The following EXOC2 variants were observed in gnomAD, a reference collection of about 807,000 sequenced individuals.
EXOC2 encodes the protein SEC5-like 1.
Under a neutral mutation model 131.8 loss-of-function variants are expected in EXOC2, and 70 were observed. The ratio of observed to expected loss-of-function variants is 0.53; its 90% CI spans 0.44 to 0.65. The LOEUF is 0.65. EXOC2 is among the 30% of genes least tolerant of loss of function. The pLI is 0.00. For synonymous variants in EXOC2, 411 were observed against 398.4 expected (o/e 1.03, Z -0.38); for missense variants, 923 against 1,108.6 (o/e 0.83, Z 2.38).
intron 1 of EXOC2, among the ~76,000 whole-genome samples, chr6:689,453 G>A (rs1406258503): frequency 6.6e-6 from 1 of 152,140 alleles, no homozygotes; most frequent in Non-Finnish European, 1.5e-5. Flanking sequence ...AATCCAAAAT[G>A]CACTCACTTA....
chr6:637,601 T>C, intron 2 of EXOC2, 100 bp downstream of exon 2: 2 of 859,388 alleles, frequency 2.3e-6, no homozygotes, highest in Middle Eastern at 3.7e-4. Context: ...ACAAAGATGT[T>C]TGTTCTATCA....
intron 22 of EXOC2, among the ~76,000 whole-genome samples, chr6:534,763 GA>G (rs553092752): frequency 4.6e-5 from 7 of 152,190 alleles, no homozygotes; most frequent in Non-Finnish European, 8.8e-5. Context: ...AACTACTGAG[GA>G]AAACAGTGAC....
chr6:490,365 T>C (rs1279705148), intron 26 of EXOC2, among the ~76,000 whole-genome samples: 1 of 152,282 alleles, frequency 6.6e-6, no homozygotes. Context: ...AGACAAACGA[T>C]GGCTGGGAAA....
At chr6:658,675 T>TATATATATATATA (rs1357332614) in intron 1 of EXOC2, among the ~76,000 whole-genome samples, 1 of 139,948 alleles carries the variant, frequency 7.1e-6, no homozygotes, top group Non-Finnish European at 1.5e-5. Context: ...ATTTTTTTTT[T>TATATATATATATA]TTTTAGACGA....
At position 632,935 on chromosome 6, in the gene EXOC2, CTT is replaced by C; in HGVS notation, c.295+4_295+5del. 1 of 1,603,278 alleles carries C rather than the reference CTT, an allele frequency of 6.2e-7. No homozygotes were observed. Among genetic ancestry groups the C allele is most frequent in the Non-Finnish European group, 8.5e-7 (1 of 1,174,748 alleles). On this transcript the variant is annotated splice_donor_5th_base_variant and intron_variant, in intron 3 of 27. Transcript: ENST00000230449. ...TTCTTTAGAATAAACCCATGAAAGA[CTT>C]TACCTATTTTCTCAGGTTTGAGTAG...
intron 16 of EXOC2, 57 bp downstream of exon 16, chr6:563,976 G>A: frequency 6.3e-7 from 1 of 1,588,546 alleles, no homozygotes; most frequent in Non-Finnish European, 8.6e-7. Flanking sequence ...ACTGAAAGGA[G>A]GTGGCACATT....
intron 1 of EXOC2, among the ~76,000 whole-genome samples, chr6:661,726 G>A (rs115540314): frequency 0.048 from 7,256 of 151,948 alleles, 304 homozygotes; most frequent in South Asian, 0.17. Context: ...AAAAATACAC[G>A]TTACAAAGCA....
intron 22 of EXOC2, among the ~76,000 whole-genome samples, chr6:538,064 A>T (rs113283444): frequency 2.0e-5 from 3 of 152,184 alleles, no homozygotes; most frequent in South Asian, 2.1e-4. Flanking sequence ...CTCATTTTTT[A>T]AAAAAAGAAG....
intron 25 of EXOC2, among the ~76,000 whole-genome samples, chr6:495,365 C>T (rs1763666122): frequency 6.6e-6 from 1 of 151,704 alleles, no homozygotes; most frequent in African/African-American, 2.4e-5. Flanking sequence ...ACCTCGTGAT[C>T]CGCCCGCCTC....
intron 1 of EXOC2, among the ~76,000 whole-genome samples, chr6:678,347 G>A (rs964157835): frequency 4.6e-5 from 7 of 152,178 alleles, no homozygotes; most frequent in African/African-American, 1.7e-4. Context: ...CAGGAATCCT[G>A]TAAGGATTAA....
At chr6:527,437 T>C (rs1581370819) in intron 23 of EXOC2, among the ~76,000 whole-genome samples, 1 of 152,258 alleles carries the variant, frequency 6.6e-6, no homozygotes, top group Admixed American at 6.5e-5. Flanking sequence ...TGAGAAGAGC[T>C]GTGCTTCTGC....
At chr6:508,724 T>G (rs1764695361) in intron 23 of EXOC2, among the ~76,000 whole-genome samples, 3 of 152,260 alleles carry the variant, frequency 2.0e-5, no homozygotes, top group Non-Finnish European at 2.9e-5. Flanking sequence ...ATGAATAAGA[T>G]TGCTACAAGC....
At chr6:545,950 T>C (rs892550213) in intron 22 of EXOC2, among the ~76,000 whole-genome samples, 15 of 152,174 alleles carry the variant, frequency 9.9e-5, no homozygotes, top group African/African-American at 3.6e-4. Flanking sequence ...AGTAGAAAAA[T>C]ACAATGTCAA....
chr6:576,058 TTAAGAA>T (rs1315239436), intron 12 of EXOC2, among the ~76,000 whole-genome samples: 2 of 152,210 alleles, frequency 1.3e-5, no homozygotes. Flanking sequence ...GCAATGCTTG[TTAAGAA>T]TAATATAAGA....
intron 21 of EXOC2, among the ~76,000 whole-genome samples, chr6:551,944 C>A (rs1473842756): frequency 6.6e-6 from 1 of 152,180 alleles, no homozygotes; most frequent in Non-Finnish European, 1.5e-5. Flanking sequence ...ATATTTGGCC[C>A]TTCTCTCATT....
intron 23 of EXOC2, among the ~76,000 whole-genome samples, chr6:510,515 T>C (rs1157109588): frequency 6.6e-6 from 1 of 152,244 alleles, no homozygotes; most frequent in Admixed American, 6.5e-5. Flanking sequence ...ACATGGTTTA[T>C]TTTTTCCCAT....
intron 7 of EXOC2, 142 bp downstream of exon 7, chr6:609,956 T>C: frequency 1.6e-6 from 1 of 621,100 alleles, no homozygotes; most frequent in Non-Finnish European, 2.8e-6. Flanking sequence ...TATTCTCCTT[T>C]GTGTTCATTA....
At chr6:646,663 G>A (rs1245544351) in intron 1 of EXOC2, among the ~76,000 whole-genome samples, 6 of 152,088 alleles carry the variant, frequency 3.9e-5, no homozygotes, top group Non-Finnish European at 5.9e-5. Context: ...AATAAGCAAT[G>A]AATAAACTGA....
intron 25 of EXOC2, among the ~76,000 whole-genome samples, chr6:492,249 A>G (rs1449698677): frequency 6.6e-6 from 1 of 152,244 alleles, no homozygotes; most frequent in African/African-American, 2.4e-5. Context: ...GCTATAATCA[A>G]TAAGAGACAA....
Sources: allele counts gnomAD v4.1 joint callset (sites outside exome capture counted in the v4.1 genomes callset), GRCh38; gene constraint gnomAD v4.1.1; transcripts MANE v1.5; gene names NCBI Gene and HGNC (gene_info 2026-07-23, HGNC 2026-07-21).